The following PPP3R1 variants were observed in gnomAD, a reference collection of about 807,000 sequenced individuals.
PPP3R1 encodes the protein protein phosphatase 3 regulatory subunit B, alpha.
Under a neutral mutation model 22.6 loss-of-function variants are expected in PPP3R1, and 5 were observed. That is an observed-to-expected ratio of 0.22 (90% confidence interval 0.12 to 0.46). PPP3R1 has a LOEUF of 0.46. Among genes scored for constraint, PPP3R1 ranks in the 20% least tolerant of loss-of-function variants. The probability of loss-of-function intolerance (pLI) is 0.99; values close to 1 mark genes in which losing one functional copy is unlikely to be tolerated. For synonymous variants in PPP3R1, 56 were observed against 65.2 expected, an observed-to-expected ratio of 0.86 and a Z score of 0.68; for missense variants, 61 against 203.2, an observed-to-expected ratio of 0.30 and a Z score of 4.25.
intron 2 of PPP3R1, among the ~76,000 whole-genome samples, chr2:68,192,748 G>C (rs1382480034): frequency 2.0e-5 from 3 of 152,138 alleles, no homozygotes; most frequent in Admixed American, 2.0e-4. Context: ...GCTAGCTCCT[G>C]TGCTTTACAT....
chr2:68,221,064 G>A (rs2103777115), intron 1 of PPP3R1, among the ~76,000 whole-genome samples: 1 of 151,974 alleles, frequency 6.6e-6, no homozygotes, highest in Non-Finnish European at 1.5e-5. Flanking sequence ...AGGCATGGTG[G>A]CTCACGCCTG....
At chr2:68,193,798 T>C (rs889200093) in intron 2 of PPP3R1, among the ~76,000 whole-genome samples, 1 of 152,158 alleles carries the variant, frequency 6.6e-6, no homozygotes, top group East Asian at 1.9e-4. Flanking sequence ...CCCATCTTGT[T>C]AGCACCATTA....
intron 2 of PPP3R1, among the ~76,000 whole-genome samples, chr2:68,203,864 A>C (rs1399748917): frequency 6.6e-6 from 1 of 152,222 alleles, no homozygotes; most frequent in Non-Finnish European, 1.5e-5. Context: ...CTGGCAGTTC[A>C]TTATGCAAAA....
chr2:68,219,999 G>A (rs1462974240), intron 1 of PPP3R1, among the ~76,000 whole-genome samples: 1 of 152,104 alleles, frequency 6.6e-6, no homozygotes, highest in Non-Finnish European at 1.5e-5. Flanking sequence ...GGGGAGAAAT[G>A]CTATATGAAC....
chr2:68,221,224 G>A (rs896420335), intron 1 of PPP3R1, among the ~76,000 whole-genome samples: 10 of 152,162 alleles, frequency 6.6e-5, no homozygotes, highest in East Asian at 3.9e-4. Context: ...CCAGCTACTC[G>A]AGAGGCTGAG....
chr2:68,211,620 A>G (rs1015509129), intron 2 of PPP3R1, among the ~76,000 whole-genome samples: 2 of 152,276 alleles, frequency 1.3e-5, no homozygotes, highest in African/African-American at 4.8e-5. Context: ...TTTCTGTAAC[A>G]TGCAATGCTG....
intron 2 of PPP3R1, among the ~76,000 whole-genome samples, chr2:68,203,550 G>A (rs1299723721): frequency 6.6e-6 from 1 of 151,258 alleles, no homozygotes; most frequent in African/African-American, 2.4e-5. Context: ...GCAGTGTGCC[G>A]AGATCGCGCC....
intron 2 of PPP3R1, among the ~76,000 whole-genome samples, chr2:68,194,718 T>C (rs761822750): frequency 6.6e-6 from 1 of 152,124 alleles, no homozygotes; most frequent in African/African-American, 2.4e-5. Context: ...GTGAACTGTT[T>C]TAGGTGATGC....
intron 2 of PPP3R1, among the ~76,000 whole-genome samples, chr2:68,209,421 T>TAATA (rs1048792244): frequency 8.0e-6 from 1 of 124,764 alleles, no homozygotes; most frequent in African/African-American, 2.9e-5. Context: ...GCAGATAAAT[T>TAATA]AATAAATAAG....
At chr2:68,233,313 TC>T (rs1272868042) in intron 1 of PPP3R1, among the ~76,000 whole-genome samples, 1 of 152,232 alleles carries the variant, frequency 6.6e-6, no homozygotes, top group Non-Finnish European at 1.5e-5. Flanking sequence ...CTTTGAATTA[TC>T]ATTAAATATG....
In PPP3R1 at chr2:68,225,428, C is replaced by CA. The variant is rs543563910; in HGVS notation, c.4-8298dup. Among the ~76,000 whole-genome samples the CA allele has an allele frequency of 3.7e-4, 57 of 152,286 alleles. 1 individual carries two copies. The South Asian group carries it at 7.0e-3, about 19-fold the overall frequency. On this transcript the variant is annotated intron_variant, in intron 1 of 5. Coordinates refer to ENST00000234310, the MANE Select transcript of PPP3R1 (RefSeq NM_000945.4). The stretch of plus-strand genomic sequence containing the variant: ...CCTCTAGTGAACAGGAGCAAGGAAA[C>CA]AGAGTGCTCAATCTCATAAGGGCAA...
intron 1 of PPP3R1, among the ~76,000 whole-genome samples, chr2:68,237,434 C>T (rs1218256144): frequency 6.6e-6 from 1 of 152,020 alleles, no homozygotes; most frequent in Admixed American, 6.6e-5. Flanking sequence ...CCCAATCTTG[C>T]TCTACCATAT....
intron 1 of PPP3R1, among the ~76,000 whole-genome samples, chr2:68,250,719 CA>C (rs1670331095): frequency 6.6e-6 from 1 of 152,246 alleles, no homozygotes; most frequent in Non-Finnish European, 1.5e-5. Flanking sequence ...CTCTACACAT[CA>C]AAATCGGCAA....
intron 1 of PPP3R1, among the ~76,000 whole-genome samples, chr2:68,240,374 A>C (rs1670100067): frequency 6.6e-6 from 1 of 152,240 alleles, no homozygotes; most frequent in Non-Finnish European, 1.5e-5. Context: ...CCATACGCAG[A>C]GTTTTCTTTC....
rs1674350280 is a variant in PPP3R1, at chr2:68,179,081, A to G, written c.*1882T>C. 1 of 152,404 alleles carries G rather than the reference A, an allele frequency of 6.6e-6. No homozygotes were observed. The highest frequency in any genetic ancestry group is 6.6e-5 in the Admixed American group (1 of 15,262). The allele number at this position is 152,404 out of a possible 1,614,324, so 9.4% of individuals were successfully genotyped here. On this transcript the variant is annotated 3_prime_UTR_variant, in exon 6 of 6. Transcript: ENST00000234310. ...GTTTACACTATTTTTCTGTAACGCC[A>G]GCCAAGATATGCACAAGCAAGAGAA...
intron 1 of PPP3R1, among the ~76,000 whole-genome samples, chr2:68,245,782 G>C (rs1670223835): frequency 6.6e-6 from 1 of 152,142 alleles, no homozygotes. Context: ...GTTCCCCAAT[G>C]GGACCAAACT....
chr2:68,209,338 G>A (rs548716671), intron 2 of PPP3R1, among the ~76,000 whole-genome samples: 64 of 100,890 alleles, frequency 6.3e-4, no homozygotes, highest in Middle Eastern at 0.011. Context: ...CAGCCTGGGC[G>A]ACAGAGCGAG....
chr2:68,251,803 A>C (rs1423761105), intron 1 of PPP3R1, among the ~76,000 whole-genome samples: 7 of 144,552 alleles, frequency 4.8e-5, no homozygotes, highest in Admixed American at 2.8e-4. Context: ...CGCCGGGCTG[A>C]TGGTCAGCGG....
At chr2:68,185,395 A>G (rs1400757751) in intron 5 of PPP3R1, among the ~76,000 whole-genome samples, 1 of 148,164 alleles carries the variant, frequency 6.7e-6, no homozygotes. Context: ...GCTAAATGCA[A>G]GTAATCTTCA....
Sources: gnomAD v4.1 joint callset for allele counts (sites outside exome capture counted in the v4.1 genomes callset) on GRCh38, gnomAD v4.1.1 for gene constraint, MANE v1.5 for transcripts, NCBI Gene and HGNC (gene_info 2026-07-23, HGNC 2026-07-21) for gene names.